SPTBN5: variants seen among roughly 807,000 people sequenced by gnomAD.
SPTBN5 encodes spectrin beta chain, non-erythrocytic 5.
SPTBN5 carries 513 observed loss-of-function variants against 477.6 expected under a neutral mutation model. The ratio of observed to expected loss-of-function variants is 1.07; its 90% CI spans 1.00 to 1.16. The LOEUF (loss-of-function observed/expected upper bound fraction) is 1.16, where lower values mean the gene tolerates loss of function less well. Among genes scored for constraint, SPTBN5 ranks in the 50% most tolerant of loss-of-function variants. The pLI is 0.00. For missense variants in SPTBN5, 5,062 were observed against 4,731.8 expected, an observed-to-expected ratio of 1.07 and a Z score of -2.05; for synonymous variants, 2,169 against 2,011.7, an observed-to-expected ratio of 1.08 and a Z score of -2.09.
rs759402539 is a variant in SPTBN5 at position 41,863,964 on chromosome 15, G to A, written c.6979C>T (p.Arg2327Trp). The A allele has an allele frequency of 3.4e-5, 55 of 1,613,688 alleles. No homozygotes were observed. Among genetic ancestry groups the A allele is most frequent in the Non-Finnish European group, 4.1e-5 (48 of 1,179,898 alleles). Residue 2327 changes from arginine (R) to tryptophan (W), a missense_variant, in exon 40 of 68, where the codon CGG becomes TGG. Transcript: ENST00000320955. Reference protein sequence around the residue: ...ISDLSLQLKNRDPEEVKIICQ... With the variant: ...ISDLSLQLKNWDPEEVKIICQ... The stretch of plus-strand genomic sequence containing the variant: ...ATGATCTTGACTTCCTCAGGGTCCC[G>A]GTTCTTGAGCTGCAGTGACAAGTCA...
At chr15:41,881,821 A>G in intron 12 of SPTBN5, 115 bp downstream of exon 12, 1 of 1,003,864 alleles carries the variant, frequency 1.0e-6, no homozygotes, top group Non-Finnish European at 1.4e-6. Context: ...CACCCACGGG[A>G]AGGCCACGAA....
At position 41,876,205 on chromosome 15, in the gene SPTBN5, G is replaced by T; in HGVS notation, c.4031C>A (p.Ala1344Glu). The change falls in exon 21 of 68, where the codon GCG becomes GAG. Residue 1344 changes from alanine to glutamate, a missense_variant. Ala to Glu is a moderately radical substitution (Grantham distance 107). Coordinates refer to ENST00000320955, the MANE Select transcript of SPTBN5 (RefSeq NM_016642.4). The stretch of plus-strand genomic sequence containing the variant: ...GAGTGTCTGCAGGATGTTTCTGCGC[G>T]CTCCGGAGGGCTCATGCGCAGCCAT... Reference protein sequence around the residue: ...GLMAAHEPSGARRNILQTLKR... With the variant: ...GLMAAHEPSGERRNILQTLKR... The T allele has an allele frequency of 6.2e-7, 1 of 1,604,876 alleles. No individual in the cohort carries two copies. Among genetic ancestry groups the T allele is most frequent in the Non-Finnish European group, 8.5e-7 (1 of 1,179,340 alleles).
intron 66 of SPTBN5, 28 bp downstream of exon 66, chr15:41,850,826 C>G: frequency 6.4e-7 from 1 of 1,561,882 alleles, no homozygotes; most frequent in Non-Finnish European, 8.7e-7. Context: ...GTCGGCCGCC[C>G]TCCCCGCATC....
In SPTBN5 at chr15:41,863,916, T is replaced by C; in HGVS notation, c.7027A>G (p.Asn2343Asp). The C allele has an allele frequency of 6.2e-7, 1 of 1,613,880 alleles. No individual in the cohort carries two copies. Among genetic ancestry groups the C allele is most frequent in the Non-Finnish European group, 8.5e-7 (1 of 1,179,860 alleles). The change falls in exon 40 of 68, where the codon AAC (asparagine) becomes GAC (aspartate). Residue 2343 changes from asparagine to aspartate, a missense_variant. Physicochemically the swap from Asn to Asp is conservative, Grantham distance 23. Transcript: ENST00000320955. ...KIICQRRSQL[N>D]NRWASFHGNL... ...CCCCAGCCTGGGACTGGCCTGTTGT[T>C]GAGCTGGCTTCGCCGCTGGCAGATG...
chr15:41,874,405 A>G lies in SPTBN5; in HGVS notation c.4576T>C (p.Cys1526Arg). ...LQASVELHQF[C>R]HLSNMELSWV... is the part of the protein sequence containing the mutation. ...GAGAGCTCCATGTTGCTCAGGTGGCAGAACTGGTGCAGCTCCACTGAGGCC... is the reference window on the plus strand; with the variant it reads ...GAGAGCTCCATGTTGCTCAGGTGGCGGAACTGGTGCAGCTCCACTGAGGCC... The change falls in exon 24 of 68, where the codon TGC becomes CGC. Residue 1526 changes from cysteine (C) to arginine (R), a missense_variant. Coordinates refer to ENST00000320955, the MANE Select transcript of SPTBN5 (RefSeq NM_016642.4). 1.2e-6 allele frequency: 2 copies of G among 1,613,702 alleles called. No individual in the cohort carries two copies. Among genetic ancestry groups the G allele is most frequent in the Non-Finnish European group, 1.7e-6 (2 of 1,179,860 alleles).
chr15:41,858,522 G>A, intron 49 of SPTBN5, 80 bp downstream of exon 49: 4 of 1,501,408 alleles, frequency 2.7e-6, no homozygotes, highest in Non-Finnish European at 3.6e-6. Flanking sequence ...CGTTACTGTG[G>A]TTCAGCACCA....
chr15:41,865,774 C>T (rs920586671), intron 39 of SPTBN5, 34 bp downstream of exon 39: 5 of 1,526,750 alleles, frequency 3.3e-6, no homozygotes, highest in East Asian at 2.5e-5. Flanking sequence ...GTGCGGGATG[C>T]ATGGCCAACC....
Position 41,890,145 on chromosome 15 carries a change from C to G in SPTBN5, c.445G>C (p.Gly149Arg), listed in dbSNP as rs200463131. 265 of 1,613,178 alleles carry G rather than the reference C, an allele frequency of 1.6e-4. No homozygotes were observed. Among genetic ancestry groups the G allele is most frequent in the Non-Finnish European group, 2.1e-4 (249 of 1,179,688 alleles). ...IVDGDQTLILGLIWVIILRFQ... is the reference protein window; with the variant it reads ...IVDGDQTLILRLIWVIILRFQ... The stretch of plus-strand genomic sequence containing the variant: ...CGCAGAATGATGACCCAGATGAGTC[C>G]CAGGATGAGTGTCTGGTCTCCGTCC... The change falls in exon 4 of 68, where the codon GGA (glycine) becomes CGA (arginine). Residue 149 changes from glycine to arginine, a missense_variant. By Grantham distance (125) the Gly-to-Arg change is moderately radical (BLOSUM62 -2). Transcript: ENST00000320955.
rs766556743 is a variant in SPTBN5 at position 41,851,761 on chromosome 15, G to A, written c.10656+18C>T. The A allele has an allele frequency of 4.4e-6, 7 of 1,584,306 alleles. No individual in the cohort carries two copies. Among genetic ancestry groups the A allele is most frequent in the South Asian group, 1.1e-5 (1 of 90,234 alleles). On this transcript the variant is annotated intron_variant, in intron 63 of 67. Coordinates refer to ENST00000320955, the MANE Select transcript of SPTBN5 (RefSeq NM_016642.4). ...GCAAGTGGGGAGCTGCCTGGAGAAG[G>A]AATCTCCAGGCACTCACCTGCCTCC...
In SPTBN5 at chr15:41,863,910, T is replaced by C; in HGVS notation, c.7033A>G (p.Arg2345Gly). The change falls in exon 40 of 68, where the codon AGG becomes GGG. Residue 2345 changes from arginine to glycine, a missense_variant and splice_region_variant. Transcript: ENST00000320955. ...ICQRRSQLNNRWASFHGNLLR... is the reference protein window; with the variant it reads ...ICQRRSQLNNGWASFHGNLLR... ...GGTTCTCCCCAGCCTGGGACTGGCC[T>C]GTTGTTGAGCTGGCTTCGCCGCTGG... 1.2e-6 allele frequency: 2 copies of C among 1,613,792 alleles called. No individual in the cohort carries two copies. Among genetic ancestry groups the C allele is most frequent in the Non-Finnish European group, 1.7e-6 (2 of 1,179,828 alleles).
rs370011799 is a variant in SPTBN5 at position 41,853,341 on chromosome 15, T to G, written c.10087A>C (p.Ile3363Leu). 1.2e-6 allele frequency: 2 copies of G among 1,612,672 alleles called. No individual in the cohort carries two copies. Among genetic ancestry groups the G allele is most frequent in the Admixed American group, 1.7e-5 (1 of 59,992 alleles). Residue 3363 changes from isoleucine to leucine, a missense_variant, in exon 59 of 68, where the codon ATC becomes CTC. Physicochemically the swap from Ile to Leu is conservative, Grantham distance 5. Coordinates refer to ENST00000320955, the MANE Select transcript of SPTBN5 (RefSeq NM_016642.4). Reference sequence around the variant, plus strand: ...TGGGCTTGAAGGCGGCACTCCCTGATTTCTTGCCCCAGCTCTTCATGCTGC... The same window carrying G: ...TGGGCTTGAAGGCGGCACTCCCTGAGTTCTTGCCCCAGCTCTTCATGCTGC... The part of the protein sequence containing the change: ...LGQHEELGQE[I>L]RECRLQAQDL...
Position 41,887,937 on chromosome 15 carries a change from T to C in SPTBN5, c.650A>G (p.His217Arg), listed in dbSNP as rs750763150. Residue 217 changes from histidine to arginine, a missense_variant, in exon 5 of 68, where the codon CAT becomes CGT. Transcript: ENST00000320955. ...SDGLGFNALI[H>R]AHRPDLLDYG... ...AAGGGTGGGGTCACACCTGTGGGCA[T>C]GGATGAGGGCATTGAAGCCCAGCCC... 2.7e-5 allele frequency: 43 copies of C among 1,609,750 alleles called. No individual in the cohort carries two copies. Among genetic ancestry groups the C allele is most frequent in the Non-Finnish European group, 3.4e-5 (40 of 1,178,450 alleles).
At chr15:41,857,083 TGTCA>T in intron 51 of SPTBN5, 44 bp from the exon 52 acceptor site, 1 of 1,567,066 alleles carries the variant, frequency 6.4e-7, no homozygotes, top group Non-Finnish European at 8.6e-7. Flanking sequence ...GGGACCAGGG[TGTCA>T]GTATTAGGGA....
At chr15:41,871,203 C>T (rs935195919) in intron 29 of SPTBN5, among the ~76,000 whole-genome samples, 172 bp downstream of exon 29, 42 of 152,274 alleles carry the variant, frequency 2.8e-4, no homozygotes, top group African/African-American at 9.9e-4. Context: ...CTTCACAGAC[C>T]AGAGCCTGTG....
intron 35 of SPTBN5, 129 bp from the exon 36 acceptor site, chr15:41,867,255 C>T: frequency 8.9e-7 from 1 of 1,127,074 alleles, no homozygotes; most frequent in Non-Finnish European, 1.2e-6. Context: ...TGAGGGGTAT[C>T]TGATCCTCCC....
At chr15:41,852,756 G>T in intron 60 of SPTBN5, 21 bp from the exon 61 acceptor site, 1 of 1,607,044 alleles carries the variant, frequency 6.2e-7, no homozygotes, top group Non-Finnish European at 8.5e-7. Flanking sequence ...GCATGTTCAG[G>T]TGACGCCCAG....
At chr15:41,863,510 C>A (rs1367488553) in intron 41 of SPTBN5, among the ~76,000 whole-genome samples, 194 bp downstream of exon 41, 1 of 152,158 alleles carries the variant, frequency 6.6e-6, no homozygotes, top group Non-Finnish European at 1.5e-5. Context: ...ATGGATGCTT[C>A]TATGGTCCTG....
Position 41,862,675 on chromosome 15 carries a change from G to C in SPTBN5, c.7264-15C>G. ...CGCTCTAGGGACTGCGGGGGAAGCC[G>C]GGGTCAGAGGCTGGGGCAGGGGAGC... is the stretch of plus-strand genomic sequence containing the variant. On this transcript the variant is annotated splice_polypyrimidine_tract_variant and intron_variant, in intron 42 of 67. Coordinates refer to ENST00000320955, the MANE Select transcript of SPTBN5 (RefSeq NM_016642.4). 6.5e-7 allele frequency: 1 copy of C among 1,546,074 alleles called. No homozygotes were observed. Among genetic ancestry groups the C allele is most frequent in the Non-Finnish European group, 8.7e-7 (1 of 1,149,482 alleles).
At chr15:41,857,127 GC>G in intron 51 of SPTBN5, 88 bp from the exon 52 acceptor site, 1 of 1,513,250 alleles carries the variant, frequency 6.6e-7, no homozygotes, top group South Asian at 1.3e-5. Flanking sequence ...CCCAGCTGTG[GC>G]CCTCACCATG....
Sources: allele counts gnomAD v4.1 joint callset (sites outside exome capture counted in the v4.1 genomes callset), GRCh38; gene constraint gnomAD v4.1.1; transcripts MANE v1.5; gene names NCBI Gene and HGNC (gene_info 2026-07-23, HGNC 2026-07-21).